CADM2: variants seen among roughly 807,000 people sequenced by gnomAD.
The protein encoded by CADM2 is immunoglobulin superfamily member 4D.
A neutral mutation model predicts 49.8 loss-of-function variants in CADM2; 12 were observed. The ratio of observed to expected loss-of-function variants is 0.24; its 90% CI spans 0.15 to 0.39. The LOEUF (loss-of-function observed/expected upper bound fraction) is 0.39, where lower values mean the gene tolerates loss of function less well. Ranked by LOEUF, CADM2 falls within the 10% of genes least tolerant of loss-of-function variation. The pLI is 1.00. For synonymous variants in CADM2, 214 were observed against 175.4 expected (o/e 1.22, Z -1.74); for missense variants, 378 against 492.3 (o/e 0.77, Z 2.20).
chr3:85,883,238 TACTG>T (rs1228601602), intron 3 of CADM2, 49 bp from the exon 4 acceptor site: 7 of 1,457,204 alleles, frequency 4.8e-6, no homozygotes, highest in Non-Finnish European at 2.8e-6. Context: ...AGTCTAAAAA[TACTG>T]ACTGTTTCTG....
chr3:85,932,200 A>G (rs909954810), intron 6 of CADM2, among the ~76,000 whole-genome samples: 13 of 152,094 alleles, frequency 8.5e-5, no homozygotes, highest in Admixed American at 8.5e-4. Context: ...GATTATGGAA[A>G]AAAACAAAGA....
chr3:85,961,426 A>G, intron 7 of CADM2, 43 bp from the exon 8 acceptor site: 2 of 1,448,232 alleles, frequency 1.4e-6, no homozygotes, highest in East Asian at 2.4e-5. Flanking sequence ...CATATTTAAC[A>G]TTTCTTATTT....
chr3:85,593,504 C>T lies in CADM2; in HGVS notation c.62-133018C>T, dbSNP rs139696489. On this transcript the variant is annotated intron_variant, in intron 1 of 9. Transcript: ENST00000383699. The stretch of plus-strand genomic sequence containing the variant: ...CTTAGCCTTTGTGAGAGATTTCTAT[C>T]GTCATAGAGCATTTGTTTCCAACTT... 2.3e-3 allele frequency among the ~76,000 whole-genome samples: 351 copies of T among 151,972 alleles called. 2 individuals carry two copies. The highest frequency in any genetic ancestry group is 7.4e-3 in the African/African-American group (309 of 41,484).
chr3:85,010,849 G>GTTTT (rs1344797276), intron 1 of CADM2, among the ~76,000 whole-genome samples: 4 of 40,636 alleles, frequency 9.8e-5, no homozygotes, highest in Admixed American at 2.8e-4. Flanking sequence ...CTCTGTTTAT[G>GTTTT]TCTTTTTTTT....
At chr3:85,328,463 T>C (rs2044816352) in intron 1 of CADM2, among the ~76,000 whole-genome samples, 1 of 152,240 alleles carries the variant, frequency 6.6e-6, no homozygotes, top group African/African-American at 2.4e-5. Flanking sequence ...TTTCTGATGC[T>C]AATTGGAATG....
intron 1 of CADM2, among the ~76,000 whole-genome samples, chr3:85,341,044 C>A (rs1158743190): frequency 6.6e-6 from 1 of 151,514 alleles, no homozygotes; most frequent in African/African-American, 2.4e-5. Context: ...TCTCAGGCCT[C>A]CCTGAACTCT....
intron 1 of CADM2, among the ~76,000 whole-genome samples, chr3:85,329,396 C>CAT (rs2044848701): frequency 7.6e-6 from 1 of 132,120 alleles, no homozygotes; most frequent in Admixed American, 7.2e-5. Flanking sequence ...CACACAGACA[C>CAT]ACACACACAC....
At chr3:85,453,695 T>A (rs13323436) in intron 1 of CADM2, among the ~76,000 whole-genome samples, 8,464 of 152,184 alleles carry the variant, frequency 0.056, 359 homozygotes, top group Non-Finnish European at 0.08. Flanking sequence ...CATCATCACT[T>A]ACCTAAAAAA....
intron 6 of CADM2, among the ~76,000 whole-genome samples, chr3:85,914,621 CA>C (rs1453403810): frequency 6.6e-6 from 1 of 152,116 alleles, no homozygotes; most frequent in Non-Finnish European, 1.5e-5. Context: ...CAATAAAAAT[CA>C]GTCATAAGAA....
Position 85,935,834 on chromosome 3 carries a change from T to A in CADM2, c.768T>A (p.Thr256=). 6.2e-7 allele frequency: 1 copy of A among 1,604,264 alleles called. No individual in the cohort carries two copies. The highest frequency in any genetic ancestry group is 1.3e-5 in the African/African-American group (1 of 74,790). The change falls in exon 7 of 10, where the codon ACT becomes ACA. Residue 256 remains threonine (T), a synonymous_variant. Coordinates refer to ENST00000383699, the MANE Select transcript of CADM2 (RefSeq NM_001167675.2). ...AAGAAGGACAGCCTTTAATTTTGAC[T>A]TGTGAATCCAAAGGAAAACCACTGT... ...FPQEGQPLIL[T]CESKGKPLPE...
At chr3:85,889,221 A>G (rs895503692) in intron 5 of CADM2, among the ~76,000 whole-genome samples, 2 of 152,194 alleles carry the variant, frequency 1.3e-5, no homozygotes, top group Admixed American at 6.5e-5. Context: ...ACTACCTAAC[A>G]TATTAATTTT....
Position 85,883,422 on chromosome 3 carries a change from A to G in CADM2, c.370A>G (p.Lys124Glu). 6.2e-7 allele frequency: 1 copy of G among 1,613,788 alleles called. No homozygotes were observed. Among genetic ancestry groups the G allele is most frequent in the East Asian group, 2.2e-5 (1 of 44,860 alleles). The part of the protein sequence containing the change: ...SLFTMPVKTS[K>E]AYLTVLGVPE... ...ATTTACAATGCCTGTCAAAACTTCCAAGGCATATCTCACCGTTCTGGGTAA... is the reference window on the plus strand; with the variant it reads ...ATTTACAATGCCTGTCAAAACTTCCGAGGCATATCTCACCGTTCTGGGTAA... Residue 124 changes from lysine (K) to glutamate (E), a missense_variant, in exon 4 of 10, where the codon AAG (lysine) becomes GAG (glutamate). By Grantham distance (56) the Lys-to-Glu change is moderately conservative. Transcript: ENST00000383699.
At chr3:85,235,514 A>G (rs1299607130) in intron 1 of CADM2, among the ~76,000 whole-genome samples, 3 of 152,262 alleles carry the variant, frequency 2.0e-5, no homozygotes, top group Non-Finnish European at 2.9e-5. Flanking sequence ...ATTATAAAAC[A>G]TAAAATTGAA....
intron 1 of CADM2, among the ~76,000 whole-genome samples, chr3:85,085,154 A>G (rs2037320432): frequency 6.6e-6 from 1 of 152,124 alleles, no homozygotes; most frequent in Admixed American, 6.6e-5. Flanking sequence ...TGTATAATAG[A>G]TTTCCAGAAC....
At chr3:85,086,443 T>G (rs902441479) in intron 1 of CADM2, among the ~76,000 whole-genome samples, 2 of 151,762 alleles carry the variant, frequency 1.3e-5, no homozygotes, top group African/African-American at 4.8e-5. Flanking sequence ...TACTAGATGG[T>G]GTTTATTTTT....
intron 1 of CADM2, among the ~76,000 whole-genome samples, chr3:85,529,765 C>T (rs1350446440): frequency 1.3e-4 from 20 of 151,956 alleles, no homozygotes; most frequent in Admixed American, 1.0e-3. Context: ...CCTCTGGGTG[C>T]AGTTTTATTC....
chr3:85,693,253 A>G (rs2066440156), intron 1 of CADM2, among the ~76,000 whole-genome samples: 2 of 151,918 alleles, frequency 1.3e-5, no homozygotes, highest in East Asian at 1.9e-4. Context: ...AAAACAAGAA[A>G]CAAAAAACAA....
At chr3:85,099,783 T>C (rs200291848) in intron 1 of CADM2, among the ~76,000 whole-genome samples, 2 of 152,226 alleles carry the variant, frequency 1.3e-5, no homozygotes, top group East Asian at 3.9e-4. Context: ...TGTAATTTGT[T>C]TGTGCTCAAG....
chr3:85,008,671 A>G (rs1259940027), intron 1 of CADM2, among the ~76,000 whole-genome samples: 2 of 152,170 alleles, frequency 1.3e-5, no homozygotes, highest in African/African-American at 4.8e-5. Context: ...TGGAAAAATG[A>G]AGCAGACGGA....
Sources: gnomAD v4.1 joint callset for allele counts (sites outside exome capture counted in the v4.1 genomes callset) on GRCh38, gnomAD v4.1.1 for gene constraint, MANE v1.5 for transcripts, NCBI Gene and HGNC (gene_info 2026-07-23, HGNC 2026-07-21) for gene names.